The following PRKN variants were observed in gnomAD, a reference collection of about 807,000 sequenced individuals.
PRKN encodes parkin RBR E3 ubiquitin protein ligase, also known as E3 ubiquitin-protein ligase parkin.
A neutral mutation model predicts 59.5 loss-of-function variants in PRKN; 56 were observed. The ratio of observed to expected loss-of-function variants is 0.94; its 90% confidence interval spans 0.76 to 1.18. The LOEUF is 1.18. PRKN is among the 50% of genes most tolerant of loss of function. The pLI is 0.00. For missense variants in PRKN, 657 were observed against 596.4 expected (o/e 1.10, Z -1.06); for synonymous variants, 250 against 222.1 (o/e 1.13, Z -1.12).
At chr6:162,155,736 T>C (rs1782483222) in intron 4 of PRKN, among the ~76,000 whole-genome samples, 1 of 151,226 alleles carries the variant, frequency 6.6e-6, no homozygotes, top group Non-Finnish European at 1.5e-5. Flanking sequence ...ACTTTTGAAG[T>C]CCATCATAAA....
chr6:162,548,555 CTTCAT>C (rs1162636591), intron 1 of PRKN, among the ~76,000 whole-genome samples: 9 of 152,236 alleles, frequency 5.9e-5, no homozygotes, highest in Admixed American at 3.9e-4. Context: ...TCAAATAATG[CTTCAT>C]TTCGTTTGTA....
chr6:161,866,576 A>AAAAAG (rs748767455), intron 6 of PRKN, among the ~76,000 whole-genome samples: 7 of 152,196 alleles, frequency 4.6e-5, no homozygotes, highest in Admixed American at 6.5e-5. Flanking sequence ...CTCTGTTTAA[A>AAAAAG]AAAAGAAAAG....
intron 1 of PRKN, among the ~76,000 whole-genome samples, chr6:162,498,853 T>C (rs1793225516): frequency 7.4e-6 from 1 of 134,922 alleles, no homozygotes; most frequent in Non-Finnish European, 1.6e-5. Flanking sequence ...TTAACTGCTG[T>C]TTTATTATTT....
At chr6:162,573,374 C>T (rs889867063) in intron 1 of PRKN, among the ~76,000 whole-genome samples, 6 of 152,124 alleles carry the variant, frequency 3.9e-5, no homozygotes, top group African/African-American at 1.4e-4. Context: ...GGCTCTCTGT[C>T]GTCTGCAGAC....
chr6:162,534,313 G>A (rs1778631730), intron 1 of PRKN, among the ~76,000 whole-genome samples: 1 of 152,032 alleles, frequency 6.6e-6, no homozygotes, highest in Admixed American at 6.6e-5. Context: ...TCTTCCTGCT[G>A]GTACCTCTGT....
chr6:162,047,875 C>T (rs1252996980), intron 5 of PRKN, among the ~76,000 whole-genome samples: 1 of 149,256 alleles, frequency 6.7e-6, no homozygotes, highest in Non-Finnish European at 1.5e-5. Flanking sequence ...ACTAACGTTC[C>T]AGTTGGCATA....
At chr6:162,252,856 C>A (rs1779491252) in intron 3 of PRKN, among the ~76,000 whole-genome samples, 1 of 152,246 alleles carries the variant, frequency 6.6e-6, no homozygotes, top group East Asian at 1.9e-4. Flanking sequence ...AACTATATTT[C>A]CCATTTTCAA....
At chr6:162,140,240 T>C (rs111952438) in intron 4 of PRKN, among the ~76,000 whole-genome samples, 2,359 of 152,298 alleles carry the variant, frequency 0.015, 59 homozygotes, top group African/African-American at 0.054. Context: ...TTTCTAAGAC[T>C]AAGAGCCACA....
At chr6:161,573,797 A>ATATATATATAT (rs1554278446) in intron 7 of PRKN, among the ~76,000 whole-genome samples, 10 of 67,832 alleles carry the variant, frequency 1.5e-4, no homozygotes, top group East Asian at 4.7e-4. Context: ...TATATATATA[A>ATATATATATAT]AACTTCATTC....
intron 1 of PRKN, among the ~76,000 whole-genome samples, chr6:162,496,294 T>C (rs1357782532): frequency 6.6e-6 from 1 of 152,258 alleles, no homozygotes; most frequent in Non-Finnish European, 1.5e-5. Context: ...TTGTAGAGAA[T>C]TCTGCTGGTA....
chr6:161,774,788 T>G (rs1789852832), intron 7 of PRKN, among the ~76,000 whole-genome samples: 1 of 152,214 alleles, frequency 6.6e-6, no homozygotes, highest in East Asian at 1.9e-4. Context: ...ACTATTACCC[T>G]GACTTTACAC....
intron 4 of PRKN, among the ~76,000 whole-genome samples, chr6:162,179,379 G>A (rs1783688613): frequency 1.3e-5 from 2 of 152,146 alleles, no homozygotes; most frequent in South Asian, 4.1e-4. Context: ...CATGGCAGAT[G>A]GACTGCCGGG....
chr6:161,844,327 G>C (rs768242526), intron 6 of PRKN, among the ~76,000 whole-genome samples: 6 of 152,188 alleles, frequency 3.9e-5, no homozygotes, highest in African/African-American at 1.4e-4. Context: ...TGCAGAATGG[G>C]AGTAGAATAG....
chr6:162,452,159 T>C (rs1382800954), intron 1 of PRKN, among the ~76,000 whole-genome samples: 3 of 152,160 alleles, frequency 2.0e-5, no homozygotes, highest in Non-Finnish European at 4.4e-5. Flanking sequence ...TGAAAATATC[T>C]TTTAAAAATG....
chr6:161,955,005 T>C (rs1025053736), intron 6 of PRKN, among the ~76,000 whole-genome samples: 1 of 152,148 alleles, frequency 6.6e-6, no homozygotes, highest in Non-Finnish European at 1.5e-5. Context: ...TGTATTTCTC[T>C]TCAGACCATG....
At chr6:162,713,750 CA>C (rs113931402) in intron 1 of PRKN, among the ~76,000 whole-genome samples, 10 of 147,132 alleles carry the variant, frequency 6.8e-5, no homozygotes, top group African/African-American at 2.2e-4. Flanking sequence ...TTTGTAAAAG[CA>C]AAAAAAAAGA....
intron 6 of PRKN, among the ~76,000 whole-genome samples, chr6:161,858,100 C>T (rs57321208): frequency 0.28 from 42,193 of 152,050 alleles, 6,579 homozygotes; most frequent in South Asian, 0.39. Context: ...AAAGCAGGTA[C>T]TAATAATGGA....
intron 5 of PRKN, among the ~76,000 whole-genome samples, chr6:162,039,571 C>T (rs1783983427): frequency 1.3e-5 from 2 of 152,252 alleles, no homozygotes; most frequent in South Asian, 4.1e-4. Flanking sequence ...CTTCACCTTC[C>T]ACCATGAGTG....
At chr6:161,504,024 C>A (rs1329930837) in intron 9 of PRKN, among the ~76,000 whole-genome samples, 1 of 152,180 alleles carries the variant, frequency 6.6e-6, no homozygotes, top group Non-Finnish European at 1.5e-5. Context: ...AGTGTTAGGT[C>A]TGTCCTTGTT....
Sources: gnomAD v4.1 joint callset for allele counts (sites outside exome capture counted in the v4.1 genomes callset) on GRCh38, gnomAD v4.1.1 for gene constraint, MANE v1.5 for transcripts, NCBI Gene and HGNC (gene_info 2026-07-23, HGNC 2026-07-21) for gene names.